The following SUPT3H variants were observed in gnomAD, a reference collection of about 807,000 sequenced individuals.
The protein encoded by SUPT3H is transcription initiation protein SPT3 homolog.
SUPT3H carries 44 observed loss-of-function variants against 44.3 expected under a neutral mutation model. The observed-to-expected ratio is 0.99, with a 90% CI of 0.78 to 1.28. The LOEUF (loss-of-function observed/expected upper bound fraction) is 1.28, where lower values mean the gene tolerates loss of function less well. Ranked by LOEUF, SUPT3H falls within the 50% of genes most tolerant of loss-of-function variation. The pLI is 0.00. For missense variants in SUPT3H, 380 were observed against 387.1 expected, an observed-to-expected ratio of 0.98 and a Z score of 0.15; for synonymous variants, 124 against 125.6, an observed-to-expected ratio of 0.99 and a Z score of 0.09.
At chr6:44,993,033 C>G (rs541488243) in intron 6 of SUPT3H, among the ~76,000 whole-genome samples, 1 of 152,076 alleles carries the variant, frequency 6.6e-6, no homozygotes, top group African/African-American at 2.4e-5. Flanking sequence ...TGTGGTGGCA[C>G]GTTCCTGTAG....
At chr6:44,838,308 G>A (rs1770300290) in intron 10 of SUPT3H, among the ~76,000 whole-genome samples, 2 of 152,180 alleles carry the variant, frequency 1.3e-5, no homozygotes, top group Non-Finnish European at 2.9e-5. Flanking sequence ...CAGGATCACA[G>A]ATGTGGTTCC....
chr6:45,165,984 T>C (rs1287181959), intron 2 of SUPT3H, among the ~76,000 whole-genome samples: 1 of 152,074 alleles, frequency 6.6e-6, no homozygotes, highest in Non-Finnish European at 1.5e-5. Context: ...ACTAAATAAA[T>C]AAATCTAGAC....
At chr6:45,207,223 GAAGTCTTTTA>G (rs1464137922) in intron 2 of SUPT3H, among the ~76,000 whole-genome samples, 1 of 152,164 alleles carries the variant, frequency 6.6e-6, no homozygotes, top group Non-Finnish European at 1.5e-5. Context: ...TCAAGTGAAT[GAAGTCTTTTA>G]AAGAGGAGGG....
At chr6:45,086,118 C>T (rs1256271302) in intron 3 of SUPT3H, among the ~76,000 whole-genome samples, 2 of 151,946 alleles carry the variant, frequency 1.3e-5, no homozygotes, top group African/African-American at 2.4e-5. Context: ...AAATTAAAGG[C>T]TCAATCTTAG....
chr6:45,058,729 C>A (rs1352346974), intron 3 of SUPT3H, among the ~76,000 whole-genome samples: 1 of 152,128 alleles, frequency 6.6e-6, no homozygotes, highest in Non-Finnish European at 1.5e-5. Flanking sequence ...ATCCCTTCCC[C>A]TGCCCCATCA....
intron 2 of SUPT3H, among the ~76,000 whole-genome samples, chr6:45,286,141 C>A (rs915735020): frequency 6.6e-6 from 1 of 151,572 alleles, no homozygotes; most frequent in Non-Finnish European, 1.5e-5. Flanking sequence ...ACCATAAAAA[C>A]CCTAGAAGAA....
At chr6:45,256,580 C>T (rs1404894193) in intron 2 of SUPT3H, among the ~76,000 whole-genome samples, 1 of 152,014 alleles carries the variant, frequency 6.6e-6, no homozygotes, top group Admixed American at 6.6e-5. Context: ...TCTCCACCCC[C>T]CACCCTCCCT....
intron 2 of SUPT3H, among the ~76,000 whole-genome samples, chr6:45,143,959 T>A (rs368698138): frequency 4.3e-4 from 66 of 151,790 alleles, no homozygotes; most frequent in Middle Eastern, 3.4e-3. Flanking sequence ...GACGGAAAAA[T>A]TTCTAGAAAT....
chr6:44,838,552 GGA>G (rs1770351011), intron 10 of SUPT3H, among the ~76,000 whole-genome samples: 1 of 152,056 alleles, frequency 6.6e-6, no homozygotes, highest in African/African-American at 2.4e-5. Flanking sequence ...AAGGCCAAGA[GGA>G]GAGAGATCTT....
chr6:45,346,687 C>CCTGA (rs776580315), intron 2 of SUPT3H, among the ~76,000 whole-genome samples: 9 of 151,706 alleles, frequency 5.9e-5, no homozygotes, highest in Non-Finnish European at 1.2e-4. Context: ...CTTGCCTCTG[C>CCTGA]CTGACTAGCT....
intron 10 of SUPT3H, among the ~76,000 whole-genome samples, chr6:44,832,128 T>C (rs932709771): frequency 2.0e-5 from 3 of 151,076 alleles, no homozygotes; most frequent in Non-Finnish European, 4.4e-5. Context: ...ACATTGTCTA[T>C]GTAGGGCAAT....
At chr6:44,981,440 A>G (rs1779081812) in intron 6 of SUPT3H, among the ~76,000 whole-genome samples, 1 of 152,242 alleles carries the variant, frequency 6.6e-6, no homozygotes. Flanking sequence ...GGTAAATACG[A>G]TTCCAACCCA....
chr6:45,264,187 CAG>C (rs1306548060), intron 2 of SUPT3H, among the ~76,000 whole-genome samples: 1 of 151,982 alleles, frequency 6.6e-6, no homozygotes, highest in Non-Finnish European at 1.5e-5. Context: ...CATTATAAAA[CAG>C]AAATGACAAA....
intron 3 of SUPT3H, among the ~76,000 whole-genome samples, chr6:45,074,596 A>G (rs886316731): frequency 6.6e-5 from 10 of 152,062 alleles, no homozygotes; most frequent in African/African-American, 1.4e-4. Context: ...GGCACACTCT[A>G]TGTAATTGCA....
At chr6:44,816,124 A>T (rs746911712) in intron 11 of SUPT3H, among the ~76,000 whole-genome samples, 1 of 152,220 alleles carries the variant, frequency 6.6e-6, no homozygotes, top group Non-Finnish European at 1.5e-5. Flanking sequence ...TAAATAAGCC[A>T]TGAGTCAAAG....
At chr6:44,850,952 T>C (rs1772783518) in intron 10 of SUPT3H, among the ~76,000 whole-genome samples, 1 of 152,208 alleles carries the variant, frequency 6.6e-6, no homozygotes, top group South Asian at 2.1e-4. Flanking sequence ...GATTTGCTAG[T>C]AGGAACCCAC....
intron 2 of SUPT3H, among the ~76,000 whole-genome samples, chr6:45,155,447 C>T (rs1242129574): frequency 6.6e-6 from 1 of 152,132 alleles, no homozygotes. Flanking sequence ...TCAAAGAAGA[C>T]TGAAACTTCT....
rs142555919 is a variant in SUPT3H at position 44,950,493 on chromosome 6, T to A, written c.801+2817A>T. On this transcript the variant is annotated intron_variant, in intron 9 of 10. Transcript: ENST00000371459. ...GCCGAGCATAGTGGTGTGCCTGTAG[T>A]CCCAGCTACATGGAAGGATGAGGCA... Among the ~76,000 whole-genome samples the A allele has an allele frequency of 2.1e-3, 325 of 152,312 alleles. 1 individual carries two copies. The highest frequency in any genetic ancestry group is 7.5e-3 in the African/African-American group (311 of 41,570).
chr6:45,310,632 C>T (rs1021676607), intron 2 of SUPT3H, among the ~76,000 whole-genome samples: 3 of 152,124 alleles, frequency 2.0e-5, no homozygotes, highest in African/African-American at 7.2e-5. Context: ...TCAGCACCAG[C>T]CAGGAGCTGG....
Sources: allele counts gnomAD v4.1 joint callset (sites outside exome capture counted in the v4.1 genomes callset), GRCh38; gene constraint gnomAD v4.1.1; transcripts MANE v1.5; gene names NCBI Gene and HGNC (gene_info 2026-07-23, HGNC 2026-07-21).